GCNT3: variants seen among roughly 807,000 people sequenced by gnomAD.
The protein encoded by GCNT3 is beta-1,3-galactosyl-O-glycosyl-glycoprotein beta-1,6-N-acetylglucosaminyltransferase 3.
For missense variants in GCNT3, 708 were observed against 530.3 expected (o/e 1.34, Z -3.29); for synonymous variants, 269 against 195.2 (o/e 1.38, Z -3.15).
At position 59,619,649 on chromosome 15, in the gene GCNT3, T is replaced by G. The variant is rs976993473; in HGVS notation, c.*94T>G. On this transcript the variant is annotated 3_prime_UTR_variant, in exon 3 of 3. Transcript: ENST00000396065. ...ACAGTGTGGGTGGGAGACCAGGGCT[T>G]TGCAATTCGTGGCATCCTTTAGGAT... The G allele has an allele frequency of 1.3e-6, 1 of 791,528 alleles. No individual in the cohort carries two copies. The highest frequency in any genetic ancestry group is 2.1e-6 in the Non-Finnish European group (1 of 471,726). The allele number at this position is 791,528 out of a possible 1,614,324, so 49.0% of individuals were successfully genotyped here. A position where few individuals can be genotyped will look rare whatever the true frequency, so the allele number is the denominator to read the frequency against.
chr15:59,617,924 T>C (rs373370882), intron 2 of GCNT3: 136 of 211,404 alleles, frequency 6.4e-4, no homozygotes, highest in Middle Eastern at 5.1e-3. Flanking sequence ...TGACGCTCCA[T>C]GGCAGCAGGT....
At chr15:59,617,170 CTTTCTTTCT>C (rs1444545121) in intron 2 of GCNT3, among the ~76,000 whole-genome samples, 5 of 82,392 alleles carry the variant, frequency 6.1e-5, no homozygotes, top group African/African-American at 2.3e-4. Context: ...CTTTTGTTTT[CTTTCTTTCT>C]TTTTTTTTTT....
At chr15:59,614,682 C>T (rs2082711601) in intron 1 of GCNT3, among the ~76,000 whole-genome samples, 1 of 152,174 alleles carries the variant, frequency 6.6e-6, no homozygotes, top group Non-Finnish European at 1.5e-5. Flanking sequence ...TAGCTGGCTT[C>T]TTTACTACAA....
At position 59,621,780 on chromosome 15, in the gene GCNT3, A is replaced by G. The variant is rs1159826184; in HGVS notation, c.*2225A>G. 2 of 150,286 alleles carry G rather than the reference A, an allele frequency of 1.3e-5. No individual in the cohort carries two copies. The highest frequency in any genetic ancestry group is 1.5e-5 in the Non-Finnish European group (1 of 67,596). 9.3% of individuals were successfully genotyped at this position (150,286 alleles called of 1,614,324 possible). ...CTGGCTAATTTTTTTGTATTTTTTT[A>G]GTAGAAACAGGGTTTCACCATGTTG... On this transcript the variant is annotated 3_prime_UTR_variant, in exon 3 of 3. Transcript: ENST00000396065.
chr15:59,614,406 G>A (rs1272277550), intron 1 of GCNT3, among the ~76,000 whole-genome samples: 4 of 151,408 alleles, frequency 2.6e-5, no homozygotes, highest in African/African-American at 9.8e-5. Flanking sequence ...GTGAAAGCAA[G>A]TTCATTAAGA....
intron 1 of GCNT3, among the ~76,000 whole-genome samples, chr15:59,613,860 A>T (rs771964897): frequency 6.6e-6 from 1 of 150,846 alleles, no homozygotes; most frequent in Non-Finnish European, 1.5e-5. Context: ...AAATACAAAT[A>T]ATAAAAATTA....
intron 1 of GCNT3, among the ~76,000 whole-genome samples, chr15:59,613,092 C>T (rs931714415): frequency 2.0e-5 from 3 of 151,972 alleles, no homozygotes; most frequent in African/African-American, 7.3e-5. Flanking sequence ...GCTATATTTG[C>T]CTGGTCCTTC....
In GCNT3 at chr15:59,616,737, G is replaced by C. The variant is rs147254889; in HGVS notation, c.-205G>C. On this transcript the variant is annotated 5_prime_UTR_variant, in exon 2 of 3. It removes an upstream start codon present in the reference 5' UTR. Transcript: ENST00000396065. ...ACTGTTCCTTGGACATCTTATGAATGTCAGAAAATACCTTTTGGAGGGTTA... is the reference window on the plus strand; with the variant it reads ...ACTGTTCCTTGGACATCTTATGAATCTCAGAAAATACCTTTTGGAGGGTTA... The C allele has an allele frequency of 2.2e-4, 33 of 152,326 alleles. No individual in the cohort carries two copies. The highest frequency in any genetic ancestry group is 7.9e-4 in the African/African-American group (33 of 41,560). The allele number at this position is 152,326 out of a possible 1,614,324, so 9.4% of individuals were successfully genotyped here.
At chr15:59,613,033 C>T (rs1183854851) in intron 1 of GCNT3, among the ~76,000 whole-genome samples, 2 of 151,978 alleles carry the variant, frequency 1.3e-5, no homozygotes, top group African/African-American at 4.8e-5. Context: ...TGTGGGCTAG[C>T]ACTGGATCTA....
At chr15:59,612,360 T>C (rs1046604295) in intron 1 of GCNT3, among the ~76,000 whole-genome samples, 2 of 152,208 alleles carry the variant, frequency 1.3e-5, no homozygotes, top group African/African-American at 4.8e-5. Context: ...ATTATAGTAG[T>C]AGTCATTGTA....
chr15:59,613,420 G>A (rs1333006390), intron 1 of GCNT3, among the ~76,000 whole-genome samples: 1 of 151,870 alleles, frequency 6.6e-6, no homozygotes, highest in Non-Finnish European at 1.5e-5. Context: ...AAAATATTTG[G>A]CTGGGCATGG....
At position 59,621,562 on chromosome 15, in the gene GCNT3, CA is replaced by C. The variant is rs1210739895; in HGVS notation, c.*2008del. 1.5e-5 allele frequency: 2 copies of C among 130,064 alleles called. No homozygotes were observed. The highest frequency in any genetic ancestry group is 3.2e-5 in the Non-Finnish European group (2 of 62,844). The allele number at this position is 130,064 out of a possible 1,614,324, so 8.1% of individuals were successfully genotyped here. A position where few individuals can be genotyped will look rare whatever the true frequency, so the allele number is the denominator to read the frequency against. On this transcript the variant is annotated 3_prime_UTR_variant, in exon 3 of 3. Coordinates refer to ENST00000396065, the MANE Select transcript of GCNT3 (RefSeq NM_004751.3). The stretch of plus-strand genomic sequence containing the variant: ...TGCTCCCATTAATACGTCATGATGT[CA>C]TTAATATGTTTCTTCCTTTCTGATT...
intron 1 of GCNT3, among the ~76,000 whole-genome samples, chr15:59,615,479 C>T (rs1183194912): frequency 6.6e-6 from 1 of 152,134 alleles, no homozygotes; most frequent in African/African-American, 2.4e-5. Flanking sequence ...TTAATTCCCT[C>T]AATCTAGGAG....
Position 59,619,642 on chromosome 15 carries a change from C to A in GCNT3, c.*87C>A. ...TGCTGGGACAGTGTGGGTGGGAGAC[C>A]AGGGCTTTGCAATTCGTGGCATCCT... On this transcript the variant is annotated 3_prime_UTR_variant, in exon 3 of 3. Transcript: ENST00000396065. The A allele has an allele frequency of 1.2e-6, 1 of 823,094 alleles. No homozygotes were observed. The highest frequency in any genetic ancestry group is 2.0e-6 in the Non-Finnish European group (1 of 500,168). The allele number at this position is 823,094 out of a possible 1,614,324, so 51.0% of individuals were successfully genotyped here.
rs560578018 is a variant in GCNT3, at chr15:59,616,700, G to C, written c.-242G>C. The C allele has an allele frequency of 1.3e-5, 2 of 152,316 alleles. No individual in the cohort carries two copies. The highest frequency in any genetic ancestry group is 2.9e-5 in the Non-Finnish European group (2 of 68,018). 9.4% of individuals were successfully genotyped at this position (152,316 alleles called of 1,614,324 possible). A position where few individuals can be genotyped will look rare whatever the true frequency, so the allele number is the denominator to read the frequency against. On this transcript the variant is annotated 5_prime_UTR_variant, in exon 2 of 3. Transcript: ENST00000396065. ...TGCCCTCTACTTTGCAGATATTAAA[G>C]AGGAGCCTGAAACTGTTCCTTGGAC...
intron 1 of GCNT3, among the ~76,000 whole-genome samples, chr15:59,613,954 C>A (rs2141932784): frequency 6.6e-6 from 1 of 152,176 alleles, no homozygotes; most frequent in South Asian, 2.1e-4. Context: ...GAGTTCGAGG[C>A]TGCAGTGAGC....
chr15:59,618,877 G>A lies in GCNT3; in HGVS notation c.639G>A (p.Leu213=), dbSNP rs763499549. 57 of 1,614,046 alleles carry A rather than the reference G, an allele frequency of 3.5e-5. No individual in the cohort carries two copies. Among genetic ancestry groups the A allele is most frequent in the Non-Finnish European group, 4.3e-5 (51 of 1,180,036 alleles). The change falls in exon 3 of 3, where the codon TTG becomes TTA. Residue 213 remains leucine (L), a synonymous_variant. Transcript: ENST00000396065. The stretch of plus-strand genomic sequence containing the variant: ...CTGACCTCAACTGCATGGAAGACTT[G>A]CTCCAGAGCTCAGTGCCGTGGAAAT... ...VQADLNCMED[L]LQSSVPWKYF... is the part of the protein sequence containing the mutation.
chr15:59,612,886 C>T (rs1276259251), intron 1 of GCNT3, among the ~76,000 whole-genome samples: 2 of 151,994 alleles, frequency 1.3e-5, no homozygotes, highest in Non-Finnish European at 2.9e-5. Context: ...AGAGTCTCTC[C>T]ACAGAACACA....
Position 59,619,139 on chromosome 15 carries a change from G to A in GCNT3, c.901G>A (p.Ala301Thr). 1 of 1,614,108 alleles carries A rather than the reference G, an allele frequency of 6.2e-7. No individual in the cohort carries two copies. The highest frequency in any genetic ancestry group is 8.5e-7 in the Non-Finnish European group (1 of 1,180,012). Reference protein sequence around the residue: ...TMFTGNAYIVASRDFVQHVLK... With the variant: ...TMFTGNAYIVTSRDFVQHVLK... Reference sequence around the variant, plus strand: ...GTTTACAGGGAATGCGTACATTGTGGCTTCCCGAGATTTCGTCCAACATGT... The same window carrying A: ...GTTTACAGGGAATGCGTACATTGTGACTTCCCGAGATTTCGTCCAACATGT... Residue 301 changes from alanine to threonine, a missense_variant, in exon 3 of 3, where the codon GCT becomes ACT. By Grantham distance (58) the Ala-to-Thr change is moderately conservative. Transcript: ENST00000396065.
Sources: allele counts gnomAD v4.1 joint callset (sites outside exome capture counted in the v4.1 genomes callset), GRCh38; gene constraint gnomAD v4.1.1; transcripts MANE v1.5; gene names NCBI Gene and HGNC (gene_info 2026-07-23, HGNC 2026-07-21).